Variants in MAOB observed in about 807,000 individuals in gnomAD.
MAOB encodes monoamine oxidase B, also known as amine oxidase [flavin-containing] B.
MAOB carries 15 observed loss-of-function variants against 41.9 expected under a neutral mutation model. The observed-to-expected ratio is 0.36, with a 90% CI of 0.24 to 0.55. The LOEUF is 0.55. Among genes scored for constraint, MAOB ranks in the 20% least tolerant of loss-of-function variants. The pLI, the probability that MAOB is intolerant of heterozygous loss-of-function variation, is 0.86. For synonymous variants in MAOB, 167 were observed against 144.2 expected (o/e 1.16, Z -1.13); for missense variants, 345 against 398.7 (o/e 0.87, Z 1.15).
At chrX:43,875,985 G>A (rs764926345) in intron 1 of MAOB, among the ~76,000 whole-genome samples, 57 of 110,968 alleles carry the variant, frequency 5.1e-4, no homozygotes, top group Non-Finnish European at 9.2e-4. Flanking sequence ...TTGAGACAGA[G>A]TCTCACTCTG....
At chrX:43,821,890 A>C (rs2034885753) in intron 3 of MAOB, among the ~76,000 whole-genome samples, 2 of 112,180 alleles carry the variant, frequency 1.8e-5, no homozygotes, top group African/African-American at 6.5e-5. Flanking sequence ...TGGAGGTTAG[A>C]AATTAATAAT....
intron 3 of MAOB, among the ~76,000 whole-genome samples, chrX:43,813,814 C>G (rs979219402): frequency 1.8e-5 from 2 of 111,552 alleles, no homozygotes; most frequent in East Asian, 5.7e-4. Context: ...CTCCTGGGAG[C>G]TTATATTCTA....
intron 1 of MAOB, among the ~76,000 whole-genome samples, chrX:43,875,260 G>A (rs62589721): frequency 0.015 from 1,731 of 111,733 alleles, 15 homozygotes; most frequent in Middle Eastern, 0.032. Context: ...TTCAAAAGAA[G>A]GGGCTGTGAG....
At chrX:43,831,983 T>C (rs1388683568) in intron 3 of MAOB, among the ~76,000 whole-genome samples, 1 of 111,914 alleles carries the variant, frequency 8.9e-6, no homozygotes, top group Non-Finnish European at 1.9e-5. Flanking sequence ...ATGATTGTAA[T>C]TCTTCCAATT....
At chrX:43,778,657 G>A (rs1658545340) in intron 11 of MAOB, 25 bp downstream of exon 11, 1 of 1,177,835 alleles carries the variant, frequency 8.5e-7, no homozygotes, top group Non-Finnish European at 1.2e-6. Context: ...CTCACCCTTA[G>A]TATAGGGTTG....
At chrX:43,808,839 G>T (rs2034705928) in intron 3 of MAOB, among the ~76,000 whole-genome samples, 1 of 110,142 alleles carries the variant, frequency 9.1e-6, no homozygotes, top group African/African-American at 3.3e-5. Context: ...TGAGTAGCTG[G>T]GATTACAGGT....
At chrX:43,840,462 G>A (rs752390003) in intron 2 of MAOB, among the ~76,000 whole-genome samples, 1 of 111,873 alleles carries the variant, frequency 8.9e-6, no homozygotes, top group Admixed American at 9.5e-5. Context: ...TTATAAAGGA[G>A]ATGACTCAAA....
chrX:43,856,425 C>T (rs140625538), intron 1 of MAOB, among the ~76,000 whole-genome samples: 2 of 111,970 alleles, frequency 1.8e-5, no homozygotes, highest in African/African-American at 6.5e-5. Context: ...TGCTGAAATC[C>T]TAGTGTTTTA....
intron 1 of MAOB, among the ~76,000 whole-genome samples, chrX:43,860,751 C>T (rs1047682884): frequency 9.0e-6 from 1 of 111,196 alleles, no homozygotes; most frequent in African/African-American, 3.3e-5. Flanking sequence ...CCTTACAGGG[C>T]CCCATATGAC....
intron 1 of MAOB, among the ~76,000 whole-genome samples, chrX:43,858,615 C>A (rs1205985985): frequency 9.0e-6 from 1 of 110,648 alleles, no homozygotes; most frequent in African/African-American, 3.3e-5. Flanking sequence ...TTAGGACTCC[C>A]TAGTGTGGAT....
intron 1 of MAOB, among the ~76,000 whole-genome samples, chrX:43,859,905 C>T (rs1197965718): frequency 8.9e-6 from 1 of 111,924 alleles, no homozygotes; most frequent in African/African-American, 3.2e-5. Context: ...TCTATTTCCC[C>T]AACTCACTCC....
intron 3 of MAOB, among the ~76,000 whole-genome samples, chrX:43,834,241 A>T (rs923783863): frequency 2.7e-5 from 3 of 111,509 alleles, no homozygotes. Flanking sequence ...AGTTGGTCTA[A>T]CCTGTTCCTG....
intron 1 of MAOB, among the ~76,000 whole-genome samples, chrX:43,858,220 G>A (rs1456324825): frequency 9.0e-6 from 1 of 111,382 alleles, no homozygotes; most frequent in Non-Finnish European, 1.9e-5. Flanking sequence ...ACCAATACAT[G>A]ATCAAATCCT....
chrX:43,841,945 C>T (rs1182613730), intron 2 of MAOB, among the ~76,000 whole-genome samples: 1 of 111,565 alleles, frequency 9.0e-6, no homozygotes, highest in African/African-American at 3.3e-5. Flanking sequence ...AAGACTTAAA[C>T]ACGAGACCTG....
chrX:43,862,908 A>G (rs567702758), intron 1 of MAOB, among the ~76,000 whole-genome samples: 197 of 112,287 alleles, frequency 1.8e-3, no homozygotes, highest in African/African-American at 5.6e-3. Flanking sequence ...AATAAGAGAC[A>G]CAAGAAAAAT....
chrX:43,803,348 G>A lies in MAOB; in HGVS notation c.336C>T (p.Tyr112=), dbSNP rs1027301522. Reference sequence around the variant, plus strand: ...TCCTCCAAAAGTTGTTATGATCTAAGTAGGTAATTGGATTCCATACAGGTG... The same window carrying A: ...TCCTCCAAAAGTTGTTATGATCTAAATAGGTAATTGGATTCCATACAGGTG... ...PFPPVWNPIT[Y]LDHNNFWRTM... Residue 112 remains tyrosine (Y), a synonymous_variant, in exon 4 of 15, where the codon TAC becomes TAT. Coordinates refer to ENST00000378069, the MANE Select transcript of MAOB (RefSeq NM_000898.5). 10 of 1,172,302 alleles carry A rather than the reference G, an allele frequency of 8.5e-6. No homozygotes were observed. In the Admixed American group the frequency reaches 1.9e-4, roughly 22 times the overall value.
At chrX:43,830,492 G>A (rs1022304061) in intron 3 of MAOB, among the ~76,000 whole-genome samples, 1 of 112,041 alleles carries the variant, frequency 8.9e-6, no homozygotes, top group Admixed American at 9.5e-5. Flanking sequence ...ATTTATGATC[G>A]ATTTAGCCTG....
chrX:43,782,172 T>C (rs1209911191), intron 8 of MAOB, among the ~76,000 whole-genome samples: 1 of 109,193 alleles, frequency 9.2e-6, no homozygotes, highest in Non-Finnish European at 1.9e-5. Flanking sequence ...GACACAAAAA[T>C]CCCTTCAAAA....
chrX:43,778,098 T>C (rs1342695910), intron 11 of MAOB, among the ~76,000 whole-genome samples: 2 of 111,254 alleles, frequency 1.8e-5, no homozygotes, highest in Non-Finnish European at 3.8e-5. Context: ...TCTAGAAAAC[T>C]CAACTGGCAT....
Sources: allele counts gnomAD v4.1 joint callset (sites outside exome capture counted in the v4.1 genomes callset), GRCh38; gene constraint gnomAD v4.1.1; transcripts MANE v1.5; gene names NCBI Gene and HGNC (gene_info 2026-07-23, HGNC 2026-07-21).